The following TUBD1 variants were observed in gnomAD, a reference collection of about 807,000 sequenced individuals.
TUBD1 encodes the protein tubulin delta 1.
In TUBD1, 38 loss-of-function variants were observed where a neutral mutation model predicts 51.2. That is an observed-to-expected ratio of 0.74 (90% CI 0.57 to 0.97). The LOEUF (loss-of-function observed/expected upper bound fraction) is 0.97. Ranked by LOEUF, TUBD1 falls within the 50% of genes least tolerant of loss-of-function variation. The probability of loss-of-function intolerance (pLI) is 0.00; values close to 1 mark genes in which losing one functional copy is unlikely to be tolerated. For missense variants in TUBD1, 489 were observed against 538.4 expected, an observed-to-expected ratio of 0.91 and a Z score of 0.91; for synonymous variants, 169 against 178.2, an observed-to-expected ratio of 0.95 and a Z score of 0.41.
chr17:59,875,568 C>G (rs765799351), intron 5 of TUBD1, among the ~76,000 whole-genome samples: 3 of 151,438 alleles, frequency 2.0e-5, no homozygotes, highest in Non-Finnish European at 4.4e-5. Flanking sequence ...CCAACATGGT[C>G]TTGGTCTTAA....
intron 8 of TUBD1, among the ~76,000 whole-genome samples, chr17:59,862,105 C>T (rs1379076042): frequency 2.6e-5 from 4 of 151,048 alleles, no homozygotes; most frequent in African/African-American, 4.9e-5. Context: ...GGGCGGATCA[C>T]CTGAGGTCAG....
At chr17:59,888,159 T>C (rs955357219) in intron 2 of TUBD1, among the ~76,000 whole-genome samples, 1 of 152,056 alleles carries the variant, frequency 6.6e-6, no homozygotes, top group African/African-American at 2.4e-5. Flanking sequence ...ATGGTCTCGA[T>C]CTCCTGACCT....
intron 6 of TUBD1, among the ~76,000 whole-genome samples, chr17:59,868,924 G>C (rs67890301): frequency 0.14 from 20,666 of 151,720 alleles, 1,753 homozygotes; most frequent in Middle Eastern, 0.19. Context: ...AGCTGCGATA[G>C]GAGGATCACT....
intron 6 of TUBD1, among the ~76,000 whole-genome samples, chr17:59,872,693 A>AGTGTGTGT (rs1598525702): frequency 3.1e-5 from 3 of 97,934 alleles, no homozygotes; most frequent in African/African-American, 8.3e-5. Context: ...TGAAAATGGG[A>AGTGTGTGT]ATGTGTGTGT....
chr17:59,862,167 T>C (rs2039480553), intron 8 of TUBD1, among the ~76,000 whole-genome samples: 2 of 150,954 alleles, frequency 1.3e-5, no homozygotes, highest in South Asian at 2.1e-4. Context: ...CTACTAAAAA[T>C]ACAAAATTAG....
At chr17:59,889,010 C>CTTTTTTT (rs756097623) in intron 2 of TUBD1, among the ~76,000 whole-genome samples, 1 of 55,794 alleles carries the variant, frequency 1.8e-5, no homozygotes, top group Non-Finnish European at 3.1e-5. Flanking sequence ...CCATGCCTGG[C>CTTTTTTT]TTTTTTTTTT....
At chr17:59,882,743 T>C (rs989933864) in intron 3 of TUBD1, among the ~76,000 whole-genome samples, 1 of 151,912 alleles carries the variant, frequency 6.6e-6, no homozygotes, top group Non-Finnish European at 1.5e-5. Flanking sequence ...GCCTCCCAAG[T>C]ATCTAGAACT....
intron 4 of TUBD1, among the ~76,000 whole-genome samples, chr17:59,880,030 G>C (rs568200000): frequency 6.6e-6 from 1 of 152,048 alleles, no homozygotes. Context: ...TGGGATTACA[G>C]GTGTGAGCCA....
intron 1 of TUBD1, chr17:59,891,951 T>C (rs1250814254): frequency 1.3e-5 from 2 of 149,030 alleles, no homozygotes. Flanking sequence ...GGTGACAAAG[T>C]GACATCCTCC....
rs185455628 is a variant in TUBD1 at position 59,880,404 on chromosome 17, T to G, written c.537+490A>C. Among the ~76,000 whole-genome samples the G allele has an allele frequency of 1.1e-4, 16 of 152,140 alleles. No individual in the cohort carries two copies. The East Asian group carries it at 3.1e-3, about 30-fold the overall frequency. Reference sequence around the variant, plus strand: ...GATACCTCATCTGTTTGGAAAAGTTTAAGGGAAGATATATATATACCATAT... The same window carrying G: ...GATACCTCATCTGTTTGGAAAAGTTGAAGGGAAGATATATATATACCATAT... On this transcript the variant is annotated intron_variant, in intron 4 of 8. Transcript: ENST00000325752.
intron 1 of TUBD1, chr17:59,891,816 T>G (rs2041072435): frequency 6.6e-6 from 1 of 151,736 alleles, no homozygotes; most frequent in Non-Finnish European, 1.5e-5. Flanking sequence ...AATACAACCA[T>G]TAGCTTGGCG....
intron 3 of TUBD1, among the ~76,000 whole-genome samples, chr17:59,881,777 C>T (rs541070770): frequency 1.3e-5 from 2 of 152,102 alleles, no homozygotes; most frequent in East Asian, 3.9e-4. Context: ...TCAAGAGATT[C>T]TCCTGTCTCA....
intron 7 of TUBD1, 133 bp from the exon 8 acceptor site, chr17:59,863,980 G>A (rs1173751920): frequency 2.6e-6 from 2 of 780,878 alleles, no homozygotes; most frequent in Admixed American, 8.0e-5. Context: ...GATGGCTGGT[G>A]CAGAGACTTC....
chr17:59,886,027 T>A, intron 3 of TUBD1, 56 bp downstream of exon 3: 1 of 1,576,524 alleles, frequency 6.3e-7, no homozygotes, highest in Non-Finnish European at 8.7e-7. Flanking sequence ...CTTTGCTATC[T>A]ATTAATTGAC....
intron 5 of TUBD1, among the ~76,000 whole-genome samples, chr17:59,875,588 T>C (rs1404274357): frequency 1.3e-5 from 2 of 151,580 alleles, no homozygotes; most frequent in African/African-American, 4.8e-5. Context: ...ATAGAAACAC[T>C]GTTTCTATTA....
chr17:59,874,469 T>C, intron 6 of TUBD1, 70 bp downstream of exon 6: 7 of 1,505,204 alleles, frequency 4.7e-6, no homozygotes, highest in Non-Finnish European at 6.3e-6. Flanking sequence ...TCCAAGCCAG[T>C]TTATATTGAG....
In TUBD1 at chr17:59,881,031, T is replaced by A; in HGVS notation, c.400A>T (p.Ser134Cys). ...RKEVEKCDSF[S>C]GFFIIMSMAG... is the part of the protein sequence containing the mutation. ...ATACTCATTATGATGAAAAAACCACTGAAAGAGTCACATTTCTCCACTTCC... is the reference window on the plus strand; with the variant it reads ...ATACTCATTATGATGAAAAAACCACAGAAAGAGTCACATTTCTCCACTTCC... Residue 134 changes from serine to cysteine, a missense_variant, in exon 4 of 9, where the codon AGT becomes TGT. Ser to Cys is a moderately radical substitution (Grantham distance 112). Coordinates refer to ENST00000325752, the MANE Select transcript of TUBD1 (RefSeq NM_016261.4). 1 of 1,614,124 alleles carries A rather than the reference T, an allele frequency of 6.2e-7. No individual in the cohort carries two copies. Among genetic ancestry groups the A allele is most frequent in the South Asian group, 1.1e-5 (1 of 91,086 alleles).
At position 59,860,010 on chromosome 17, in the gene TUBD1, A is replaced by AC. The variant is rs2039361287; in HGVS notation, c.*311dup. Reference sequence around the variant, plus strand: ...ACTTTAACAGAATGGAACTTTGAAAACATTTTTTTTTTTTTTTTTTTTTGA... The same window carrying AC: ...ACTTTAACAGAATGGAACTTTGAAAACCATTTTTTTTTTTTTTTTTTTTTGA... On this transcript the variant is annotated 3_prime_UTR_variant, in exon 9 of 9. Coordinates refer to ENST00000325752, the MANE Select transcript of TUBD1 (RefSeq NM_016261.4). 6.1e-6 allele frequency: 1 copy of AC among 164,726 alleles called. No homozygotes were observed. Among genetic ancestry groups the AC allele is most frequent in the African/African-American group, 2.5e-5 (1 of 39,226 alleles). 10.2% of individuals were successfully genotyped at this position (164,726 alleles called of 1,614,324 possible). A position where few individuals can be genotyped will look rare whatever the true frequency, so the allele number is the denominator to read the frequency against.
intron 7 of TUBD1, among the ~76,000 whole-genome samples, chr17:59,864,649 A>G (rs954742656): frequency 2.0e-5 from 3 of 150,372 alleles, no homozygotes; most frequent in Non-Finnish European, 4.4e-5. Flanking sequence ...CTACAGGCAC[A>G]CGCCACCATG....
Sources: gnomAD v4.1 joint callset for allele counts (sites outside exome capture counted in the v4.1 genomes callset) on GRCh38, gnomAD v4.1.1 for gene constraint, MANE v1.5 for transcripts, NCBI Gene and HGNC (gene_info 2026-07-23, HGNC 2026-07-21) for gene names.